The following CACNA2D3 variants were observed in gnomAD, a reference collection of about 807,000 sequenced individuals.
CACNA2D3 encodes calcium voltage-gated channel auxiliary subunit alpha2delta 3, also known as voltage-dependent calcium channel subunit alpha-2/delta-3.
A neutral mutation model predicts 160.6 loss-of-function variants in CACNA2D3; 60 were observed. That is an observed-to-expected ratio of 0.37 (90% CI 0.30 to 0.46). The LOEUF is 0.46. Among genes scored for constraint, CACNA2D3 ranks in the 20% least tolerant of loss-of-function variants. CACNA2D3 has a pLI of 1.00. For synonymous variants in CACNA2D3, 558 were observed against 492.9 expected, an observed-to-expected ratio of 1.13 and a Z score of -1.75; for missense variants, 1,205 against 1,365.0, an observed-to-expected ratio of 0.88 and a Z score of 1.85.
chr3:54,718,287 A>G (rs945381296), intron 11 of CACNA2D3, among the ~76,000 whole-genome samples: 1 of 152,078 alleles, frequency 6.6e-6, no homozygotes, highest in African/African-American at 2.4e-5. Flanking sequence ...GTGCTCTTTT[A>G]TATACAATTT....
rs532190822 is a variant in CACNA2D3 at position 54,156,234 on chromosome 3, A to G, written c.204+32640A>G. 8.5e-5 allele frequency among the ~76,000 whole-genome samples: 13 copies of G among 152,342 alleles called. No homozygotes were observed. In the South Asian group the frequency reaches 2.7e-3, roughly 32 times the overall value. ...GGGAAATGAGACAGGGACAAGAAGG[A>G]CATCCATAAAGGGTGTGCTATCAAG... On this transcript the variant is annotated intron_variant, in intron 2 of 37. Coordinates refer to ENST00000474759, the MANE Select transcript of CACNA2D3 (RefSeq NM_018398.3).
chr3:55,070,467 T>G (rs1291628507), intron 35 of CACNA2D3, among the ~76,000 whole-genome samples: 1 of 152,184 alleles, frequency 6.6e-6, no homozygotes, highest in Non-Finnish European at 1.5e-5. Flanking sequence ...GACAGCATGT[T>G]TGCCAACCTC....
At chr3:55,064,544 C>T (rs1377658720) in intron 35 of CACNA2D3, among the ~76,000 whole-genome samples, 1 of 152,198 alleles carries the variant, frequency 6.6e-6, no homozygotes, top group Admixed American at 6.5e-5. Context: ...GCCCTCCTCT[C>T]TCCACTCCTG....
chr3:54,390,863 C>T (rs1355701842), intron 4 of CACNA2D3, among the ~76,000 whole-genome samples: 3 of 152,158 alleles, frequency 2.0e-5, no homozygotes, highest in Admixed American at 6.5e-5. Flanking sequence ...TTCTGCTGAC[C>T]TCTCAGCAAC....
intron 13 of CACNA2D3, among the ~76,000 whole-genome samples, chr3:54,768,975 T>C (rs1702269368): frequency 6.6e-6 from 1 of 152,114 alleles, no homozygotes; most frequent in South Asian, 2.1e-4. Flanking sequence ...GAGTCTGTCT[T>C]CCTCTTTGTT....
intron 2 of CACNA2D3, among the ~76,000 whole-genome samples, chr3:54,156,969 A>C (rs1202021562): frequency 6.6e-6 from 1 of 152,242 alleles, no homozygotes; most frequent in Non-Finnish European, 1.5e-5. Context: ...TAGATAGTAC[A>C]TTAACTGTAT....
intron 2 of CACNA2D3, among the ~76,000 whole-genome samples, chr3:54,269,586 A>G (rs954375403): frequency 6.6e-6 from 1 of 152,126 alleles, no homozygotes; most frequent in Non-Finnish European, 1.5e-5. Context: ...AGTACCAACC[A>G]CCATCACTGT....
At chr3:54,414,364 A>G (rs1575442517) in intron 4 of CACNA2D3, among the ~76,000 whole-genome samples, 1 of 152,114 alleles carries the variant, frequency 6.6e-6, no homozygotes, top group South Asian at 2.1e-4. Context: ...TTCTAAATCT[A>G]TATTAATGTA....
intron 35 of CACNA2D3, among the ~76,000 whole-genome samples, chr3:55,043,038 G>T (rs1703991586): frequency 6.6e-6 from 1 of 152,102 alleles, no homozygotes; most frequent in Non-Finnish European, 1.5e-5. Flanking sequence ...TGGAGTTTTT[G>T]GTGATTATGA....
intron 3 of CACNA2D3, among the ~76,000 whole-genome samples, chr3:54,376,523 G>A (rs759619861): frequency 1.3e-5 from 2 of 152,150 alleles, no homozygotes; most frequent in African/African-American, 2.4e-5. Context: ...TGGCACATAG[G>A]TCAGGCAGTG....
At chr3:54,897,625 A>C (rs1418120179) in intron 26 of CACNA2D3, among the ~76,000 whole-genome samples, 1 of 152,206 alleles carries the variant, frequency 6.6e-6, no homozygotes, top group Non-Finnish European at 1.5e-5. Context: ...TGGAAAGTTC[A>C]ATCTGTAGTT....
intron 14 of CACNA2D3, among the ~76,000 whole-genome samples, chr3:54,829,300 T>A (rs1215170855): frequency 3.3e-5 from 5 of 152,088 alleles, no homozygotes; most frequent in African/African-American, 1.2e-4. Flanking sequence ...CCTAGCACAG[T>A]CTTACTAGAT....
intron 2 of CACNA2D3, among the ~76,000 whole-genome samples, chr3:54,221,163 C>A (rs1701562205): frequency 1.3e-5 from 2 of 152,178 alleles, no homozygotes; most frequent in Non-Finnish European, 2.9e-5. Context: ...TATTAGCACC[C>A]ACCTGTGGCA....
At chr3:54,747,406 C>CT (rs1262313583) in intron 11 of CACNA2D3, among the ~76,000 whole-genome samples, 1 of 152,146 alleles carries the variant, frequency 6.6e-6, no homozygotes, top group Non-Finnish European at 1.5e-5. Flanking sequence ...TACCCTTACT[C>CT]TCTATGGCTG....
At chr3:54,234,247 C>G (rs1701832927) in intron 2 of CACNA2D3, among the ~76,000 whole-genome samples, 1 of 152,150 alleles carries the variant, frequency 6.6e-6, no homozygotes, top group South Asian at 2.1e-4. Context: ...AAAAATAGCT[C>G]AGATCATTAG....
chr3:54,969,329 G>A (rs145882904), intron 28 of CACNA2D3, among the ~76,000 whole-genome samples: 3,961 of 145,528 alleles, frequency 0.027, 82 homozygotes, highest in Middle Eastern at 0.055. Context: ...GTGCGATCTC[G>A]ACTCACTGCA....
chr3:54,859,373 C>T (rs1215043286), intron 17 of CACNA2D3, among the ~76,000 whole-genome samples: 1 of 152,220 alleles, frequency 6.6e-6, no homozygotes, highest in Non-Finnish European at 1.5e-5. Context: ...GTGATAGGCA[C>T]ATCTATTTCC....
At chr3:54,729,663 T>G (rs981566585) in intron 11 of CACNA2D3, among the ~76,000 whole-genome samples, 1 of 152,088 alleles carries the variant, frequency 6.6e-6, no homozygotes, top group Non-Finnish European at 1.5e-5. Flanking sequence ...GGGTATGAAG[T>G]TCTCTGAATG....
chr3:54,891,280 G>T, intron 24 of CACNA2D3, 75 bp from the exon 25 acceptor site: 1 of 975,830 alleles, frequency 1.0e-6, no homozygotes, highest in Admixed American at 2.1e-5. Context: ...AAAACATTCT[G>T]TGAGTCTTAA....
Sources: gnomAD v4.1 joint callset for allele counts (sites outside exome capture counted in the v4.1 genomes callset) on GRCh38, gnomAD v4.1.1 for gene constraint, MANE v1.5 for transcripts, NCBI Gene and HGNC (gene_info 2026-07-23, HGNC 2026-07-21) for gene names.